Variants in RALGDS observed in about 807,000 individuals in gnomAD.
The protein encoded by RALGDS is ral guanine nucleotide exchange factor.
Under a neutral mutation model 99.8 loss-of-function variants are expected in RALGDS, and 44 were observed. The observed-to-expected ratio is 0.44, with a 90% CI of 0.35 to 0.57. The LOEUF (loss-of-function observed/expected upper bound fraction) is 0.57. Among genes scored for constraint, RALGDS ranks in the 20% least tolerant of loss-of-function variants. The probability of loss-of-function intolerance (pLI) is 0.01; values close to 1 mark genes in which losing one functional copy is unlikely to be tolerated. For missense variants in RALGDS, 1,022 were observed against 1,203.1 expected (o/e 0.85, Z 2.23); for synonymous variants, 529 against 505.0 (o/e 1.05, Z -0.64).
At position 133,121,198 on chromosome 9, in the gene RALGDS, G is replaced by C. The variant is rs1338855579; in HGVS notation, c.-44C>G. On this transcript the variant is annotated 5_prime_UTR_variant, in exon 1 of 18. Transcript: ENST00000372050. ...GCGCGGGGCCGGCCCGGCGCGCGGC[G>C]GGGGCGGCGGCGCGGCCCGCGCGGC... The C allele has an allele frequency of 1.1e-6, 1 of 885,154 alleles. No individual in the cohort carries two copies. Among genetic ancestry groups the C allele is most frequent in the Non-Finnish European group, 1.4e-6 (1 of 740,682 alleles). 54.8% of individuals were successfully genotyped at this position (885,154 alleles called of 1,614,324 possible).
Position 133,109,721 on chromosome 9 carries a change from C to A in RALGDS, c.489G>T (p.Arg163Ser). Reference protein sequence around the residue: ...TQQVLDLLFKRYGRCDALTAS... With the variant: ...TQQVLDLLFKSYGRCDALTAS... ...CCGTGAGGGCGTCACATCTACCGTA[C>A]CTGCTTATGACGTCTAGTGTTACTG... is the stretch of plus-strand genomic sequence containing the variant. Residue 163 changes from arginine (R) to serine (S), a missense_variant and splice_region_variant, in exon 4 of 18, where the codon AGG becomes AGT. By Grantham distance (110) the Arg-to-Ser change is moderately radical. Coordinates refer to ENST00000372050, the MANE Select transcript of RALGDS (RefSeq NM_006266.4). 6.2e-7 allele frequency: 1 copy of A among 1,612,480 alleles called. No homozygotes were observed. The highest frequency in any genetic ancestry group is 8.5e-7 in the Non-Finnish European group (1 of 1,178,692).
At chr9:133,109,790 T>A in intron 3 of RALGDS, 69 bp from the exon 4 acceptor site, 1 of 1,343,678 alleles carries the variant, frequency 7.4e-7, no homozygotes, top group Non-Finnish European at 1.1e-6. Context: ...GGCAGGGATT[T>A]TTTTTTTTGC....
At chr9:133,142,807 G>A (rs1048256435) in intron 1 of RALGDS, among the ~76,000 whole-genome samples, 1 of 152,226 alleles carries the variant, frequency 6.6e-6, no homozygotes, top group Non-Finnish European at 1.5e-5. Flanking sequence ...TGGGGCCTAG[G>A]GCCTCCCAGC....
intron 16 of RALGDS, chr9:133,100,871 TAATGAC>T (rs1253624046): frequency 1.6e-5 from 17 of 1,055,108 alleles, no homozygotes; most frequent in Non-Finnish European, 1.8e-5. Context: ...GGTGACTGCT[TAATGAC>T]AACCATGCTA....
chr9:133,118,177 C>G (rs1831710079), intron 1 of RALGDS, among the ~76,000 whole-genome samples: 1 of 152,214 alleles, frequency 6.6e-6, no homozygotes, highest in African/African-American at 2.4e-5. Context: ...CCAGGAAGCT[C>G]TCCTGGAAGA....
intron 1 of RALGDS, among the ~76,000 whole-genome samples, chr9:133,146,636 T>G (rs1282190792): frequency 6.6e-6 from 1 of 152,210 alleles, no homozygotes; most frequent in Admixed American, 6.5e-5. Flanking sequence ...ATTTAGTGAC[T>G]GGCTTCTCAC....
At chr9:133,119,081 G>C (rs1392061095) in intron 1 of RALGDS, among the ~76,000 whole-genome samples, 1 of 152,236 alleles carries the variant, frequency 6.6e-6, no homozygotes, top group African/African-American at 2.4e-5. Flanking sequence ...GCTTAGAATC[G>C]GGAAGATAAG....
chr9:133,138,103 G>A (rs928941538), intron 1 of RALGDS, among the ~76,000 whole-genome samples: 1 of 152,232 alleles, frequency 6.6e-6, no homozygotes, highest in Non-Finnish European at 1.5e-5. Context: ...TGGGGCTACT[G>A]TTTCCAAAGG....
chr9:133,112,189 G>A (rs531658239), intron 1 of RALGDS, 37 bp from the exon 2 acceptor site: 26 of 1,434,602 alleles, frequency 1.8e-5, no homozygotes, highest in Middle Eastern at 2.1e-4. Flanking sequence ...GCGCGGGGAC[G>A]TCAAGGGCCT....
chr9:133,101,344 G>A (rs770305359), intron 16 of RALGDS, 176 bp downstream of exon 16: 1 of 1,481,898 alleles, frequency 6.7e-7, no homozygotes, highest in Non-Finnish European at 9.3e-7. Flanking sequence ...CTCCCCCTCT[G>A]CCCTCAGGCC....
intron 1 of RALGDS, chr9:133,148,842 C>G: frequency 1.6e-6 from 2 of 1,283,366 alleles, no homozygotes; most frequent in African/African-American, 3.0e-5. Context: ...GGACGCGGAG[C>G]TGCGTAAGCG....
At chr9:133,116,061 G>A (rs1449601403) in intron 1 of RALGDS, among the ~76,000 whole-genome samples, 4 of 152,262 alleles carry the variant, frequency 2.6e-5, no homozygotes, top group African/African-American at 9.6e-5. Context: ...AGCCAGAGGT[G>A]AGAGCCCAGG....
chr9:133,146,335 C>G (rs917690094), intron 1 of RALGDS, among the ~76,000 whole-genome samples: 2 of 152,172 alleles, frequency 1.3e-5, no homozygotes, highest in Non-Finnish European at 2.9e-5. Context: ...TTATAGGCAC[C>G]TGCCGAGACA....
At chr9:133,142,269 G>C (rs1392825178) in intron 1 of RALGDS, among the ~76,000 whole-genome samples, 7 of 152,110 alleles carry the variant, frequency 4.6e-5, no homozygotes, top group Admixed American at 2.6e-4. Flanking sequence ...AGCAGGTCAG[G>C]CCCCTTCCTC....
upstream of RALGDS, among the ~76,000 whole-genome samples, chr9:133,125,359 C>T (rs776385802): frequency 9.2e-5 from 14 of 152,070 alleles, no homozygotes; most frequent in Non-Finnish European, 1.9e-4. Flanking sequence ...GGCCCTGCAC[C>T]GATGGTCGTG....
Position 133,115,161 on chromosome 9 carries a change from C to T in RALGDS, c.184-3009G>A, listed in dbSNP as rs554688815. Among the ~76,000 whole-genome samples, 8 of 152,316 alleles carry T rather than the reference C, an allele frequency of 5.3e-5. No homozygotes were observed. In the South Asian group the frequency reaches 6.2e-4, roughly 12 times the overall value. ...GCCTGCCCCAGCCCTGCCATCTCCC[C>T]GCTCAGGCCAACGGCACCTCCTCCC... On this transcript the variant is annotated intron_variant, in intron 1 of 17. Coordinates refer to ENST00000372050, the MANE Select transcript of RALGDS (RefSeq NM_006266.4).
chr9:133,098,017 T>A lies in RALGDS; in HGVS notation c.*570A>T, dbSNP rs1830582711. On this transcript the variant is annotated 3_prime_UTR_variant, in exon 18 of 18. Coordinates refer to ENST00000372050, the MANE Select transcript of RALGDS (RefSeq NM_006266.4). ...CTCACCGGGTGCAGAGTCTGGTCCA[T>A]GAAGAGGGTTTCTCTCTCTGCTCCC... is the stretch of plus-strand genomic sequence containing the variant. The A allele has an allele frequency of 4.0e-6, 1 of 253,028 alleles. No individual in the cohort carries two copies. The highest frequency in any genetic ancestry group is 1.3e-4 in the South Asian group (1 of 7,642). 15.7% of individuals were successfully genotyped at this position (253,028 alleles called of 1,614,324 possible).
intron 13 of RALGDS, 53 bp downstream of exon 13, chr9:133,102,725 TG>T: frequency 6.2e-7 from 1 of 1,603,190 alleles, no homozygotes; most frequent in Admixed American, 1.7e-5. Flanking sequence ...CCTCTGGAGC[TG>T]GCCCCCTAGG....
intron 6 of RALGDS, among the ~76,000 whole-genome samples, 183 bp from the exon 7 acceptor site, chr9:133,107,483 G>A (rs868075449): frequency 2.6e-5 from 4 of 152,222 alleles, no homozygotes; most frequent in South Asian, 2.1e-4. Flanking sequence ...GCACCGCCTC[G>A]CGCAGCCTCA....
Sources: gnomAD v4.1 joint callset for allele counts (sites outside exome capture counted in the v4.1 genomes callset) on GRCh38, gnomAD v4.1.1 for gene constraint, MANE v1.5 for transcripts, NCBI Gene and HGNC (gene_info 2026-07-23, HGNC 2026-07-21) for gene names.